Variants in SUPT3H observed in about 807,000 individuals in gnomAD.
The protein encoded by SUPT3H is transcription initiation protein SPT3 homolog.
A neutral mutation model predicts 44.3 loss-of-function variants in SUPT3H; 44 were observed. That is an observed-to-expected ratio of 0.99 (90% CI 0.78 to 1.28). The LOEUF (loss-of-function observed/expected upper bound fraction) is 1.28, where lower values mean the gene tolerates loss of function less well. Ranked by LOEUF, SUPT3H falls within the 50% of genes most tolerant of loss-of-function variation. The probability of loss-of-function intolerance (pLI) is 0.00; values close to 1 mark genes in which losing one functional copy is unlikely to be tolerated. For synonymous variants in SUPT3H, 124 were observed against 125.6 expected (o/e 0.99, Z 0.09); for missense variants, 380 against 387.1 (o/e 0.98, Z 0.15).
At chr6:45,102,975 T>C (rs970999572) in intron 3 of SUPT3H, among the ~76,000 whole-genome samples, 1 of 151,238 alleles carries the variant, frequency 6.6e-6, no homozygotes, top group Non-Finnish European at 1.5e-5. Context: ...TTCAAAGAAT[T>C]ACAGGAAAAA....
chr6:45,059,350 C>G (rs1340693147), intron 3 of SUPT3H, among the ~76,000 whole-genome samples: 1 of 152,112 alleles, frequency 6.6e-6, no homozygotes, highest in Non-Finnish European at 1.5e-5. Context: ...ATGATTATTT[C>G]AATAGATGCA....
intron 10 of SUPT3H, among the ~76,000 whole-genome samples, chr6:44,928,645 C>T (rs903218344): frequency 6.6e-6 from 1 of 151,742 alleles, no homozygotes; most frequent in African/African-American, 2.4e-5. Flanking sequence ...CCTGTAATCC[C>T]AGCACTTTGG....
At chr6:45,193,963 A>G (rs560091310) in intron 2 of SUPT3H, among the ~76,000 whole-genome samples, 8 of 152,324 alleles carry the variant, frequency 5.3e-5, no homozygotes, top group Middle Eastern at 3.4e-3. Flanking sequence ...AACAGAGTAT[A>G]TATCTGTTCC....
chr6:44,910,666 T>G (rs1318971340), intron 10 of SUPT3H, among the ~76,000 whole-genome samples: 1 of 148,794 alleles, frequency 6.7e-6, no homozygotes, highest in Non-Finnish European at 1.5e-5. Context: ...TAATTTCTCT[T>G]TGATTTAGAA....
chr6:44,866,352 T>G (rs546610156), intron 10 of SUPT3H, among the ~76,000 whole-genome samples: 1 of 152,024 alleles, frequency 6.6e-6, no homozygotes, highest in Non-Finnish European at 1.5e-5. Context: ...GGCTTAGCAG[T>G]GCACGCCTGT....
At chr6:45,294,912 A>G (rs900483105) in intron 2 of SUPT3H, among the ~76,000 whole-genome samples, 3 of 152,130 alleles carry the variant, frequency 2.0e-5, no homozygotes, top group African/African-American at 7.2e-5. Flanking sequence ...GAAAATGACC[A>G]TACTGCCAAA....
intron 2 of SUPT3H, among the ~76,000 whole-genome samples, chr6:45,348,512 C>CAAAAAAAGAAAA (rs1791367324): frequency 9.1e-6 from 1 of 110,360 alleles, no homozygotes; most frequent in African/African-American, 3.7e-5. Flanking sequence ...ACTAAAAATA[C>CAAAAAAAGAAAA]AAAAAAAAAA....
intron 2 of SUPT3H, among the ~76,000 whole-genome samples, chr6:45,209,089 A>T (rs1763674892): frequency 6.6e-6 from 1 of 152,202 alleles, no homozygotes; most frequent in Admixed American, 6.5e-5. Flanking sequence ...GTTGAGACCT[A>T]CTACTCAGAA....
At chr6:45,307,226 TCTGCAGA>T (rs1191254379) in intron 2 of SUPT3H, among the ~76,000 whole-genome samples, 1 of 152,188 alleles carries the variant, frequency 6.6e-6, no homozygotes, top group African/African-American at 2.4e-5. Context: ...AGCAGAAACC[TCTGCAGA>T]CTTAAACGTC....
intron 2 of SUPT3H, among the ~76,000 whole-genome samples, chr6:45,141,719 A>T (rs1193956152): frequency 6.6e-6 from 1 of 152,202 alleles, no homozygotes; most frequent in Non-Finnish European, 1.5e-5. Flanking sequence ...AAGTCGTGAG[A>T]TTAAAACAGT....
At chr6:45,142,539 C>T (rs1805382637) in intron 2 of SUPT3H, among the ~76,000 whole-genome samples, 1 of 151,740 alleles carries the variant, frequency 6.6e-6, no homozygotes, top group African/African-American at 2.4e-5. Flanking sequence ...GAGTTTGAGA[C>T]CAACCTAACC....
At chr6:44,824,564 A>C (rs1424039200), downstream of SUPT3H, among the ~76,000 whole-genome samples, 1 of 152,148 alleles carries the variant, frequency 6.6e-6, no homozygotes, top group Non-Finnish European at 1.5e-5. Context: ...AAGGACATAA[A>C]TCAGAAGGTG....
chr6:45,203,321 A>G (rs1047304930), intron 2 of SUPT3H, among the ~76,000 whole-genome samples: 1 of 152,086 alleles, frequency 6.6e-6, no homozygotes, highest in Non-Finnish European at 1.5e-5. Context: ...GTCATCAATG[A>G]TACTTTCCTC....
At chr6:44,890,782 A>G (rs1763177172) in intron 10 of SUPT3H, among the ~76,000 whole-genome samples, 1 of 151,086 alleles carries the variant, frequency 6.6e-6, no homozygotes, top group African/African-American at 2.4e-5. Flanking sequence ...AAAAAAAAAG[A>G]AAATGTGGCA....
At chr6:45,315,922 C>CAGATAGATAGATAGATAGAT (rs59633405) in intron 2 of SUPT3H, among the ~76,000 whole-genome samples, 29 of 145,588 alleles carry the variant, frequency 2.0e-4, no homozygotes, top group Admixed American at 4.2e-4. Flanking sequence ...CTCAGATAGA[C>CAGATAGATAGATAGATAGAT]AGATAGATAG....
intron 2 of SUPT3H, among the ~76,000 whole-genome samples, chr6:45,265,340 A>T (rs1775076327): frequency 6.6e-6 from 1 of 152,124 alleles, no homozygotes. Context: ...TTTCATTCTT[A>T]GTTTTTCTAA....
rs752887669 is a variant in SUPT3H, at chr6:45,295,524, C to CAAAAAAAAAAAAA, written c.101+69664_101+69676dup. ...ATTAAACGAAAGAGCTTTTGCACAG[C>CAAAAAAAAAAAAA]AAAAAAAAAAAAAAAAAAAAAAAAA... On this transcript the variant is annotated intron_variant, in intron 2 of 10. Coordinates refer to ENST00000371459, the MANE Select transcript of SUPT3H (RefSeq NM_003599.4). 2.5e-4 allele frequency among the ~76,000 whole-genome samples: 10 copies of CAAAAAAAAAAAAA among 40,060 alleles called. 2 individuals are homozygous for CAAAAAAAAAAAAA. Among genetic ancestry groups the CAAAAAAAAAAAAA allele is most frequent in the Middle Eastern group, 0.028 (1 of 36 alleles). The allele number at this position is 40,060 out of a possible 152,430, so 26.3% of individuals were successfully genotyped here.
chr6:45,343,012 T>C (rs1166658793), intron 2 of SUPT3H, among the ~76,000 whole-genome samples: 2 of 152,138 alleles, frequency 1.3e-5, no homozygotes, highest in Admixed American at 1.3e-4. Context: ...GTGTCTCAAT[T>C]TCCTCATCTG....
At chr6:44,930,358 G>T (rs1243255655) in intron 10 of SUPT3H, among the ~76,000 whole-genome samples, 1 of 151,006 alleles carries the variant, frequency 6.6e-6, no homozygotes, top group Non-Finnish European at 1.5e-5. Flanking sequence ...TCCAGCCTGG[G>T]TGACAGAGTG....
Sources: gnomAD v4.1 joint callset for allele counts (sites outside exome capture counted in the v4.1 genomes callset) on GRCh38, gnomAD v4.1.1 for gene constraint, MANE v1.5 for transcripts, NCBI Gene and HGNC (gene_info 2026-07-23, HGNC 2026-07-21) for gene names.